The following NPAS2 variants were observed in gnomAD, a reference collection of about 807,000 sequenced individuals.
The protein encoded by NPAS2 is neuronal PAS domain protein 2.
A neutral mutation model predicts 107.5 loss-of-function variants in NPAS2; 23 were observed. The observed-to-expected ratio is 0.21, with a 90% CI of 0.15 to 0.30. NPAS2 has a LOEUF of 0.30. Among genes scored for constraint, NPAS2 ranks in the 10% least tolerant of loss-of-function variants. The pLI, the probability that NPAS2 is intolerant of heterozygous loss-of-function variation, is 1.00. For missense variants in NPAS2, 756 were observed against 1,043.3 expected (o/e 0.72, Z 3.79); for synonymous variants, 403 against 417.5 (o/e 0.97, Z 0.42).
At chr2:100,869,786 CA>C (rs1389977388) in intron 1 of NPAS2, among the ~76,000 whole-genome samples, 1 of 152,100 alleles carries the variant, frequency 6.6e-6, no homozygotes, top group Admixed American at 6.5e-5. Flanking sequence ...CTTATCCACA[CA>C]ATATCAAAAA....
intron 4 of NPAS2, among the ~76,000 whole-genome samples, chr2:100,934,401 G>A (rs957597773): frequency 3.3e-5 from 5 of 151,960 alleles, no homozygotes; most frequent in Non-Finnish European, 7.4e-5. Context: ...ATAAATTTCG[G>A]GGCTAGAAGA....
chr2:100,831,140 A>G (rs1676707284), intron 1 of NPAS2, among the ~76,000 whole-genome samples: 1 of 152,026 alleles, frequency 6.6e-6, no homozygotes, highest in African/African-American at 2.4e-5. Flanking sequence ...TCTGTACTAA[A>G]AATACAAAAA....
At chr2:100,993,712 T>C in intron 20 of NPAS2, 185 bp downstream of exon 20, 1 of 483,224 alleles carries the variant, frequency 2.1e-6, no homozygotes, top group Non-Finnish European at 3.5e-6. Flanking sequence ...AGTCTATGTC[T>C]ACAGAGTACA....
intron 10 of NPAS2, among the ~76,000 whole-genome samples, chr2:100,967,933 G>C (rs1676324885): frequency 6.6e-6 from 1 of 151,802 alleles, no homozygotes; most frequent in Non-Finnish European, 1.5e-5. Flanking sequence ...GGCTCCTGCA[G>C]CTCCAAAGAC....
intron 6 of NPAS2, among the ~76,000 whole-genome samples, chr2:100,948,861 G>A (rs987027656): frequency 6.6e-6 from 1 of 152,160 alleles, no homozygotes; most frequent in African/African-American, 2.4e-5. Context: ...GGCAACCTAG[G>A]TAGAAGGCTA....
chr2:100,865,288 G>A lies in NPAS2; in HGVS notation c.-22-39445G>A, dbSNP rs1201490106. Among the ~76,000 whole-genome samples the A allele has an allele frequency of 2.6e-5, 4 of 152,194 alleles. No individual in the cohort carries two copies. The East Asian group carries it at 5.8e-4, about 22-fold the overall frequency. On this transcript the variant is annotated intron_variant, in intron 1 of 20. Transcript: ENST00000335681. ...TCTCTGTCCATGAAGTTGGGAGTCC[G>A]TGGGAGGAAGCAGGTCGTGCTGCCG... is the stretch of plus-strand genomic sequence containing the variant.
chr2:100,977,840 A>G (rs530693141), intron 15 of NPAS2, 41 bp downstream of exon 15: 18 of 1,533,804 alleles, frequency 1.2e-5, no homozygotes, highest in East Asian at 2.2e-5. Context: ...CTCTCAAGCC[A>G]GAAGTCCGCA....
intron 4 of NPAS2, among the ~76,000 whole-genome samples, chr2:100,937,509 G>A (rs1002297390): frequency 2.0e-5 from 3 of 152,182 alleles, no homozygotes; most frequent in Admixed American, 1.3e-4. Context: ...ATTTGATTAT[G>A]CCACTAGGTC....
intron 1 of NPAS2, among the ~76,000 whole-genome samples, chr2:100,899,127 G>T (rs907931573): frequency 6.6e-6 from 1 of 152,120 alleles, no homozygotes; most frequent in African/African-American, 2.4e-5. Context: ...CTGACAAAGC[G>T]TGCTGGGGTG....
intron 1 of NPAS2, among the ~76,000 whole-genome samples, chr2:100,836,152 T>C (rs1413916135): frequency 6.6e-6 from 1 of 152,228 alleles, no homozygotes; most frequent in Non-Finnish European, 1.5e-5. Flanking sequence ...TTTGTCTACC[T>C]TCCTGCTGCT....
intron 5 of NPAS2, among the ~76,000 whole-genome samples, chr2:100,938,090 G>T (rs1684450639): frequency 6.6e-6 from 1 of 152,188 alleles, no homozygotes; most frequent in South Asian, 2.1e-4. Flanking sequence ...TGGGAGCTGT[G>T]GCTACAGATT....
At position 100,970,825 on chromosome 2, in the gene NPAS2, C is replaced by T. The variant is rs903949032; in HGVS notation, c.1056-165C>T. 63 of 536,516 alleles carry T rather than the reference C, an allele frequency of 1.2e-4. No individual in the cohort carries two copies. In the Admixed American group the frequency reaches 1.3e-3, roughly 11 times the overall value. The allele number at this position is 536,516 out of a possible 1,614,324, so 33.2% of individuals were successfully genotyped here. A position where few individuals can be genotyped will look rare whatever the true frequency, so the allele number is the denominator to read the frequency against. On this transcript the variant is annotated intron_variant, in intron 11 of 20. Transcript: ENST00000335681. ...AGGTCGAATTTAAGGCAGAGAACGACGCTCATTCCTTCCAACAAGTCACAG... is the reference window on the plus strand; with the variant it reads ...AGGTCGAATTTAAGGCAGAGAACGATGCTCATTCCTTCCAACAAGTCACAG...
At chr2:100,882,436 C>T (rs1219722933) in intron 1 of NPAS2, among the ~76,000 whole-genome samples, 8 of 152,132 alleles carry the variant, frequency 5.3e-5, no homozygotes, top group Non-Finnish European at 8.8e-5. Flanking sequence ...AGTGAAACCC[C>T]ATCTCTACTA....
At chr2:100,869,403 A>G (rs1679434105) in intron 1 of NPAS2, among the ~76,000 whole-genome samples, 1 of 152,202 alleles carries the variant, frequency 6.6e-6, no homozygotes, top group Non-Finnish European at 1.5e-5. Flanking sequence ...TTGATCTGTG[A>G]GAATTTTTTG....
intron 1 of NPAS2, among the ~76,000 whole-genome samples, chr2:100,882,434 C>G (rs773886004): frequency 6.6e-6 from 1 of 152,144 alleles, no homozygotes; most frequent in Non-Finnish European, 1.5e-5. Context: ...ACAGTGAAAC[C>G]CCATCTCTAC....
chr2:100,832,014 C>A (rs530350418), intron 1 of NPAS2, among the ~76,000 whole-genome samples: 6 of 152,258 alleles, frequency 3.9e-5, no homozygotes, highest in South Asian at 2.1e-4. Flanking sequence ...CCAGTTATTC[C>A]TGGGATGCTT....
intron 1 of NPAS2, among the ~76,000 whole-genome samples, chr2:100,834,680 T>TCTTTC (rs1676948898): frequency 6.6e-6 from 1 of 151,918 alleles, no homozygotes; most frequent in African/African-American, 2.4e-5. Flanking sequence ...CCCTTTATCA[T>TCTTTC]TTTTCTTTTC....
intron 1 of NPAS2, among the ~76,000 whole-genome samples, chr2:100,856,725 G>A (rs534203357): frequency 1.1e-3 from 164 of 150,296 alleles, no homozygotes; most frequent in African/African-American, 3.8e-3. Context: ...GGGCGGGGGC[G>A]GGGGCATGTG....
intron 1 of NPAS2, among the ~76,000 whole-genome samples, chr2:100,830,047 C>G (rs1676631192): frequency 6.6e-6 from 1 of 152,152 alleles, no homozygotes; most frequent in African/African-American, 2.4e-5. Flanking sequence ...GCAAAAACAA[C>G]CTATCAGTAG....
Sources: allele counts gnomAD v4.1 joint callset (sites outside exome capture counted in the v4.1 genomes callset), GRCh38; gene constraint gnomAD v4.1.1; transcripts MANE v1.5; gene names NCBI Gene and HGNC (gene_info 2026-07-23, HGNC 2026-07-21).